The following NKAIN2 variants were observed in gnomAD, a reference collection of about 807,000 sequenced individuals.
NKAIN2 encodes sodium/potassium-transporting ATPase subunit beta-1-interacting protein 2.
Under a neutral mutation model 32.6 loss-of-function variants are expected in NKAIN2, and 14 were observed. The ratio of observed to expected loss-of-function variants is 0.43; its 90% confidence interval spans 0.28 to 0.67. NKAIN2 has a LOEUF of 0.67. Ranked by LOEUF, NKAIN2 falls within the 30% of genes least tolerant of loss-of-function variation. NKAIN2 has a pLI of 0.17. For missense variants in NKAIN2, 198 were observed against 258.3 expected, an observed-to-expected ratio of 0.77 and a Z score of 1.60; for synonymous variants, 80 against 87.2, an observed-to-expected ratio of 0.92 and a Z score of 0.46.
At chr6:123,895,416 G>T (rs1774233504) in intron 1 of NKAIN2, among the ~76,000 whole-genome samples, 1 of 152,048 alleles carries the variant, frequency 6.6e-6, no homozygotes, top group Non-Finnish European at 1.5e-5. Flanking sequence ...CTACTGACTG[G>T]CATAGTTTCT....
At chr6:124,427,894 C>A (rs547589635) in intron 3 of NKAIN2, among the ~76,000 whole-genome samples, 1 of 152,096 alleles carries the variant, frequency 6.6e-6, no homozygotes, top group African/African-American at 2.4e-5. Flanking sequence ...TGTTGGCAAT[C>A]TAACAATTTA....
chr6:123,856,032 C>A (rs904072450), intron 1 of NKAIN2, among the ~76,000 whole-genome samples: 1 of 152,134 alleles, frequency 6.6e-6, no homozygotes, highest in Non-Finnish European at 1.5e-5. Flanking sequence ...TTTAAAAACA[C>A]CAAACTGGGA....
intron 3 of NKAIN2, among the ~76,000 whole-genome samples, chr6:124,563,235 C>A (rs1780774483): frequency 6.6e-6 from 1 of 152,088 alleles, no homozygotes; most frequent in Non-Finnish European, 1.5e-5. Context: ...TACTGGCTTA[C>A]ACTTTGAGAC....
intron 3 of NKAIN2, among the ~76,000 whole-genome samples, chr6:124,406,038 T>TGTG: frequency 1.2e-5 from 1 of 83,730 alleles, no homozygotes; most frequent in Non-Finnish European, 2.5e-5. Flanking sequence ...GTGTGTGTAA[T>TGTG]TCTGTACAAA....
chr6:124,592,212 C>A (rs374282770), intron 3 of NKAIN2, among the ~76,000 whole-genome samples: 2 of 151,988 alleles, frequency 1.3e-5, no homozygotes, highest in East Asian at 3.9e-4. Context: ...GCTTTGAGGA[C>A]AAAACAAAAG....
intron 5 of NKAIN2, among the ~76,000 whole-genome samples, chr6:124,793,144 G>C (rs1367704780): frequency 2.0e-5 from 3 of 152,036 alleles, no homozygotes; most frequent in Admixed American, 1.3e-4. Context: ...TGATTAGTGG[G>C]CAATGGTGGG....
intron 2 of NKAIN2, among the ~76,000 whole-genome samples, chr6:124,342,851 T>C (rs1398792697): frequency 1.3e-5 from 2 of 149,750 alleles, no homozygotes; most frequent in Non-Finnish European, 3.0e-5. Flanking sequence ...ATTATTATAC[T>C]TTAAGTTTTA....
rs117672772 is a variant in NKAIN2 at position 124,123,796 on chromosome 6, T to C, written c.55-159209T>C. ...AGCCTGTTTTATCCTTTCCTCTATATAGTTGGATGACTCAGAAACACTCAA... is the reference window on the plus strand; with the variant it reads ...AGCCTGTTTTATCCTTTCCTCTATACAGTTGGATGACTCAGAAACACTCAA... On this transcript the variant is annotated intron_variant, in intron 1 of 6. Coordinates refer to ENST00000368417, the MANE Select transcript of NKAIN2 (RefSeq NM_001040214.3). Among the ~76,000 whole-genome samples, 733 of 152,268 alleles carry C rather than the reference T, an allele frequency of 4.8e-3. 2 individuals are homozygous for C. The highest frequency in any genetic ancestry group is 0.031 in the Middle Eastern group (9 of 294).
In NKAIN2 at chr6:124,559,280, G is replaced by A. The variant is rs1337031089; in HGVS notation, c.274-98906G>A. 2.0e-5 allele frequency among the ~76,000 whole-genome samples: 3 copies of A among 152,072 alleles called. No homozygotes were observed. In the East Asian group the frequency reaches 5.8e-4, roughly 29 times the overall value. On this transcript the variant is annotated intron_variant, in intron 3 of 6. Coordinates refer to ENST00000368417, the MANE Select transcript of NKAIN2 (RefSeq NM_001040214.3). ...CCTGTGCAGAATAGAATAGATAATGGCCAATATAATAAGTGAGAGGAATGG... is the reference window on the plus strand; with the variant it reads ...CCTGTGCAGAATAGAATAGATAATGACCAATATAATAAGTGAGAGGAATGG...
At chr6:124,183,530 A>G (rs1011908133) in intron 1 of NKAIN2, among the ~76,000 whole-genome samples, 1 of 152,090 alleles carries the variant, frequency 6.6e-6, no homozygotes, top group African/African-American at 2.4e-5. Context: ...TTCTCAAGAT[A>G]TATGTTTATA....
intron 1 of NKAIN2, among the ~76,000 whole-genome samples, chr6:124,143,206 C>A (rs1333825659): frequency 2.0e-5 from 3 of 152,134 alleles, no homozygotes; most frequent in Non-Finnish European, 4.4e-5. Flanking sequence ...TGCCTAATAT[C>A]CCAGCAATTT....
chr6:123,925,486 G>A (rs573189132), intron 1 of NKAIN2, among the ~76,000 whole-genome samples: 1 of 152,232 alleles, frequency 6.6e-6, no homozygotes, highest in East Asian at 1.9e-4. Context: ...TGTGAAGGGG[G>A]TTTGGCTTTT....
rs112025815 is a variant in NKAIN2, at chr6:124,791,926, G to A, written c.535+527G>A. Among the ~76,000 whole-genome samples the A allele has an allele frequency of 4.5e-3, 690 of 152,210 alleles. 4 individuals are homozygous for A. Among genetic ancestry groups the A allele is most frequent in the African/African-American group, 0.016 (665 of 41,562 alleles). ...TCCTACTATTTGACACAAATGGCTA[G>A]AACTCTAACTATGTCAAAGTCTCAA... On this transcript the variant is annotated intron_variant, in intron 5 of 6. Coordinates refer to ENST00000368417, the MANE Select transcript of NKAIN2 (RefSeq NM_001040214.3).
chr6:124,111,045 G>A (rs1354377942), intron 1 of NKAIN2, among the ~76,000 whole-genome samples: 1 of 152,016 alleles, frequency 6.6e-6, no homozygotes, highest in Non-Finnish European at 1.5e-5. Flanking sequence ...GTTTTGATAT[G>A]TGTGTTTCTA....
At chr6:124,762,732 C>T (rs1437144850) in intron 4 of NKAIN2, among the ~76,000 whole-genome samples, 1 of 152,168 alleles carries the variant, frequency 6.6e-6, no homozygotes, top group Non-Finnish European at 1.5e-5. Flanking sequence ...AAATTGCACA[C>T]ATCCCAGTGG....
chr6:124,617,163 A>G (rs1362224116), intron 3 of NKAIN2, among the ~76,000 whole-genome samples: 1 of 152,212 alleles, frequency 6.6e-6, no homozygotes, highest in Non-Finnish European at 1.5e-5. Flanking sequence ...GAATTGATAG[A>G]TAAGTTACAA....
chr6:124,806,157 C>T (rs1286886096), intron 5 of NKAIN2, among the ~76,000 whole-genome samples: 3 of 151,892 alleles, frequency 2.0e-5, no homozygotes, highest in Admixed American at 6.6e-5. Flanking sequence ...AGATACTCCT[C>T]GAGAAGAGCA....
At chr6:124,125,413 A>G (rs1387677832) in intron 1 of NKAIN2, among the ~76,000 whole-genome samples, 1 of 152,168 alleles carries the variant, frequency 6.6e-6, no homozygotes, top group Non-Finnish European at 1.5e-5. Flanking sequence ...TTTATGAGAC[A>G]TCAATTTTTA....
At chr6:124,360,495 A>G (rs1458391120) in intron 3 of NKAIN2, among the ~76,000 whole-genome samples, 1 of 152,198 alleles carries the variant, frequency 6.6e-6, no homozygotes, top group Non-Finnish European at 1.5e-5. Flanking sequence ...TTGTACACAT[A>G]GAGGTATAGT....
Sources: gnomAD v4.1 joint callset for allele counts (sites outside exome capture counted in the v4.1 genomes callset) on GRCh38, gnomAD v4.1.1 for gene constraint, MANE v1.5 for transcripts, NCBI Gene and HGNC (gene_info 2026-07-23, HGNC 2026-07-21) for gene names.